BARX2: variants seen among roughly 807,000 people sequenced by gnomAD.
The protein encoded by BARX2 is BARX homeobox 2.
In BARX2, 11 loss-of-function variants were observed where a neutral mutation model predicts 25.5. The ratio of observed to expected loss-of-function variants is 0.43; its 90% CI spans 0.27 to 0.71. The LOEUF is 0.71. BARX2 is among the 30% of genes least tolerant of loss of function. The pLI is 0.19. For missense variants in BARX2, 360 were observed against 359.9 expected (o/e 1.00, Z 0.00); for synonymous variants, 137 against 149.5 (o/e 0.92, Z 0.61).
At chr11:129,416,857 C>T (rs75104720) in intron 1 of BARX2, among the ~76,000 whole-genome samples, 4,454 of 149,522 alleles carry the variant, frequency 0.03, 173 homozygotes, top group East Asian at 0.15. Context: ...CGTAGGAGTA[C>T]ATCTATCCAG....
At chr11:129,405,582 T>G (rs543974886) in intron 1 of BARX2, among the ~76,000 whole-genome samples, 1 of 152,336 alleles carries the variant, frequency 6.6e-6, no homozygotes, top group Admixed American at 6.5e-5. Context: ...ACAATATAAC[T>G]TTACACTTTA....
At chr11:129,399,818 G>T (rs1374370435) in intron 1 of BARX2, among the ~76,000 whole-genome samples, 1 of 152,196 alleles carries the variant, frequency 6.6e-6, no homozygotes, top group East Asian at 1.9e-4. Context: ...GCCATGGAAA[G>T]GGGTGGTACC....
rs954928714 is a variant in BARX2, at chr11:129,376,967, C to T, written c.187+745C>T. On this transcript the variant is annotated intron_variant, in intron 1 of 3. Transcript: ENST00000281437. The surrounding 1 kb of genome is among the most constrained non-coding windows in gnomAD (Gnocchi z 4.2). ...ATTGAAAACGTAGTAGAGTTTCTAT[C>T]GAAAATAAATCCAAGGTACTTTTAA... 6.6e-6 allele frequency among the ~76,000 whole-genome samples: 1 copy of T among 152,068 alleles called. No individual in the cohort carries two copies. Among genetic ancestry groups the T allele is most frequent in the Non-Finnish European group, 1.5e-5 (1 of 68,028 alleles).
In BARX2 at chr11:129,436,961, C is replaced by G; in HGVS notation, c.398C>G (p.Pro133Arg). 1 of 1,611,928 alleles carries G rather than the reference C, an allele frequency of 6.2e-7. No individual in the cohort carries two copies. The highest frequency in any genetic ancestry group is 8.5e-7 in the Non-Finnish European group (1 of 1,178,484). The change falls in exon 2 of 4, where the codon CCC becomes CGC. Residue 133 changes from proline (P) to arginine (R), a missense_variant. By Grantham distance (103) the Pro-to-Arg change is moderately radical. Coordinates refer to ENST00000281437, the MANE Select transcript of BARX2 (RefSeq NM_003658.5). This position sits in a 1 kb window ranked among gnomAD's most constrained non-coding sequence, Gnocchi z 4.5. ...CAGCCCACGCCCCGACAGAAGAAGC[C>G]CCGCCGGAGTCGCACCATCTTCACC... Reference protein sequence around the residue: ...TEQPTPRQKKPRRSRTIFTEL... With the variant: ...TEQPTPRQKKRRRSRTIFTEL...
intron 1 of BARX2, among the ~76,000 whole-genome samples, chr11:129,381,608 T>G (rs1254461108): frequency 6.6e-6 from 1 of 152,192 alleles, no homozygotes; most frequent in South Asian, 2.1e-4. Context: ...GATATGTTTG[T>G]TTTTTGCTGG....
At chr11:129,377,314 T>A (rs1861514201) in intron 1 of BARX2, among the ~76,000 whole-genome samples, 1 of 152,238 alleles carries the variant, frequency 6.6e-6, no homozygotes, top group Non-Finnish European at 1.5e-5. Context: ...TCCTGTATTT[T>A]CTCTTGGTTC....
At chr11:129,428,337 C>G (rs1424995965) in intron 1 of BARX2, among the ~76,000 whole-genome samples, 3 of 152,216 alleles carry the variant, frequency 2.0e-5, no homozygotes, top group Non-Finnish European at 4.4e-5. Context: ...AAGAGAAAGA[C>G]ATACTTAAGA....
intron 1 of BARX2, among the ~76,000 whole-genome samples, chr11:129,428,165 T>C (rs765780173): frequency 3.3e-5 from 5 of 152,228 alleles, no homozygotes; most frequent in Non-Finnish European, 7.3e-5. Context: ...GCTCCTTCTG[T>C]CAACTAAAAC....
intron 1 of BARX2, among the ~76,000 whole-genome samples, chr11:129,380,977 A>G (rs1861557237): frequency 6.6e-6 from 1 of 152,130 alleles, no homozygotes. Context: ...GGGTTTCACC[A>G]TGTTGGCCAG....
intron 3 of BARX2, among the ~76,000 whole-genome samples, chr11:129,444,240 A>G (rs1862298090): frequency 6.6e-6 from 1 of 152,174 alleles, no homozygotes; most frequent in Admixed American, 6.5e-5. Flanking sequence ...AAAAAAAACA[A>G]AATAAGTAAA....
intron 1 of BARX2, among the ~76,000 whole-genome samples, chr11:129,410,011 G>A (rs1861870188): frequency 6.6e-6 from 1 of 151,896 alleles, no homozygotes. Context: ...TAACTTATAT[G>A]GGCCTTAATA....
At chr11:129,379,432 C>G (rs1280530578) in intron 1 of BARX2, among the ~76,000 whole-genome samples, 1 of 152,178 alleles carries the variant, frequency 6.6e-6, no homozygotes, top group Non-Finnish European at 1.5e-5. Context: ...TCTCCAACTT[C>G]AGAGCATTGA....
intron 1 of BARX2, among the ~76,000 whole-genome samples, chr11:129,391,297 A>G (rs1349619404): frequency 1.3e-5 from 2 of 152,222 alleles, no homozygotes; most frequent in African/African-American, 4.8e-5. Context: ...ATTATGTGAA[A>G]TTCAGACATC....
Position 129,439,520 on chromosome 11 carries a change from A to T in BARX2, c.488+2469A>T, listed in dbSNP as rs141179999. ...GGACAATCTTGAAGAGAGAATTGGC[A>T]GAATCAACATTGCGGAAGGAAGCAA... On this transcript the variant is annotated intron_variant, in intron 2 of 3. Coordinates refer to ENST00000281437, the MANE Select transcript of BARX2 (RefSeq NM_003658.5). Among the ~76,000 whole-genome samples, 1,248 of 152,296 alleles carry T rather than the reference A, an allele frequency of 8.2e-3. 17 individuals are homozygous for T. The highest frequency in any genetic ancestry group is 0.029 in the African/African-American group (1,198 of 41,540).
intron 1 of BARX2, among the ~76,000 whole-genome samples, chr11:129,416,765 T>G (rs1861947417): frequency 6.6e-6 from 1 of 152,118 alleles, no homozygotes; most frequent in Non-Finnish European, 1.5e-5. Context: ...TGTAACCGAC[T>G]GGATGGATGG....
At chr11:129,433,968 T>C (rs1329411461) in intron 1 of BARX2, among the ~76,000 whole-genome samples, 1 of 152,192 alleles carries the variant, frequency 6.6e-6, no homozygotes, top group Non-Finnish European at 1.5e-5. Context: ...AGATGCTCAG[T>C]AAATATTCAT....
Position 129,403,436 on chromosome 11 carries a change from C to G in BARX2, c.187+27214C>G, listed in dbSNP as rs75800513. Among the ~76,000 whole-genome samples, 1,007 of 152,262 alleles carry G rather than the reference C, an allele frequency of 6.6e-3. 8 individuals carry two copies. The highest frequency in any genetic ancestry group is 0.01 in the Non-Finnish European group (700 of 68,014). On this transcript the variant is annotated intron_variant, in intron 1 of 3. Coordinates refer to ENST00000281437, the MANE Select transcript of BARX2 (RefSeq NM_003658.5). ...GTTTCTCAGCCTTCAGGAGAGGCAGCCTTTACTCTTGCACCACCATTTTCC... is the reference window on the plus strand; with the variant it reads ...GTTTCTCAGCCTTCAGGAGAGGCAGGCTTTACTCTTGCACCACCATTTTCC...
intron 1 of BARX2, among the ~76,000 whole-genome samples, chr11:129,400,375 G>A (rs947050025): frequency 2.6e-5 from 4 of 152,082 alleles, no homozygotes; most frequent in African/African-American, 9.7e-5. Flanking sequence ...GGGAGGCTGG[G>A]GAAGATCTTC....
At chr11:129,414,423 A>G (rs1018629663) in intron 1 of BARX2, among the ~76,000 whole-genome samples, 11 of 152,142 alleles carry the variant, frequency 7.2e-5, no homozygotes, top group Non-Finnish European at 1.3e-4. Context: ...GACTCTGGTA[A>G]TACTTCTCAG....
Sources: gnomAD v4.1 joint callset for allele counts (sites outside exome capture counted in the v4.1 genomes callset) on GRCh38, gnomAD v4.1.1 for gene constraint, Gnocchi (gnomAD v3.1) non-coding constraint, MANE v1.5 for transcripts, NCBI Gene and HGNC (gene_info 2026-07-23, HGNC 2026-07-21) for gene names.